TCN2: variants seen among roughly 807,000 people sequenced by gnomAD.
TCN2 encodes the protein transcobalamin-2.
In TCN2, 34 loss-of-function variants were observed where a neutral mutation model predicts 48.6. That is an observed-to-expected ratio of 0.70 (90% CI 0.53 to 0.93). The LOEUF (loss-of-function observed/expected upper bound fraction) is 0.93. Among genes scored for constraint, TCN2 ranks in the 40% least tolerant of loss-of-function variants. The pLI, the probability that TCN2 is intolerant of heterozygous loss-of-function variation, is 0.00. For synonymous variants in TCN2, 283 were observed against 212.5 expected, an observed-to-expected ratio of 1.33 and a Z score of -2.89; for missense variants, 652 against 526.1, an observed-to-expected ratio of 1.24 and a Z score of -2.34.
At chr22:30,613,447 T>C (rs1320103299) in intron 3 of TCN2, among the ~76,000 whole-genome samples, 1 of 152,066 alleles carries the variant, frequency 6.6e-6, no homozygotes, top group African/African-American at 2.4e-5. Context: ...ACCCAGCTAA[T>C]TTTGTATTTT....
chr22:30,623,919 T>TATGTATACATATATACACACAC (rs2087754309), intron 8 of TCN2, among the ~76,000 whole-genome samples: 1 of 11,930 alleles, frequency 8.4e-5, no homozygotes, highest in Non-Finnish European at 1.6e-4. Flanking sequence ...TATACACACA[T>TATGTATACATATATACACACAC]ATATATGTAT....
At position 30,610,959 on chromosome 22, in the gene TCN2, C is replaced by G; in HGVS notation, c.153C>G (p.Asn51Lys). The G allele has an allele frequency of 6.2e-7, 1 of 1,614,204 alleles. No homozygotes were observed. Among genetic ancestry groups the G allele is most frequent in the Non-Finnish European group, 8.5e-7 (1 of 1,180,038 alleles). Residue 51 changes from asparagine (N) to lysine (K), a missense_variant, in exon 2 of 9, where the codon AAC becomes AAG. Physicochemically the swap from Asn to Lys is moderately conservative, Grantham distance 94. Coordinates refer to ENST00000215838, the MANE Select transcript of TCN2 (RefSeq NM_000355.4). ...ACCGGCTTTCCCTGGAGCACTTGAA[C>G]CCCAGCATCTATGTGGGCCTACGCC... Reference protein sequence around the residue: ...WMDRLSLEHLNPSIYVGLRLS... With the variant: ...WMDRLSLEHLKPSIYVGLRLS...
intron 2 of TCN2, 116 bp from the exon 3 acceptor site, chr22:30,612,757 C>T (rs2087560086): frequency 1.4e-5 from 19 of 1,319,798 alleles, no homozygotes; most frequent in Non-Finnish European, 2.0e-5. Context: ...GAGCTTTTAT[C>T]AAAGTTTCCC....
intron 1 of TCN2, among the ~76,000 whole-genome samples, chr22:30,610,066 C>G (rs1350648861): frequency 6.6e-6 from 1 of 152,206 alleles, no homozygotes; most frequent in African/African-American, 2.4e-5. Context: ...CTACCCTGTG[C>G]TGAGCTCAAG....
At chr22:30,614,727 G>A (rs2087588607) in intron 4 of TCN2, among the ~76,000 whole-genome samples, 1 of 152,110 alleles carries the variant, frequency 6.6e-6, no homozygotes. Context: ...AAGACAACGT[G>A]GTGAAACCCC....
chr22:30,625,083 T>G (rs1209743635), intron 8 of TCN2, among the ~76,000 whole-genome samples: 1 of 152,046 alleles, frequency 6.6e-6, no homozygotes, highest in African/African-American at 2.4e-5. Flanking sequence ...CTGGGGGTGG[T>G]GGCGGGCACC....
At chr22:30,617,293 C>T (rs1771759427) in intron 6 of TCN2, 37 bp from the exon 7 acceptor site, 1 of 1,613,792 alleles carries the variant, frequency 6.2e-7, no homozygotes, top group Non-Finnish European at 8.5e-7. Context: ...GCTCTCTGTC[C>T]TCACACCAGC....
At position 30,615,598 on chromosome 22, in the gene TCN2, C is replaced by CA; in HGVS notation, c.754-2dup. 6.2e-7 allele frequency: 1 copy of CA among 1,614,156 alleles called. No homozygotes were observed. Among genetic ancestry groups the CA allele is most frequent in the Non-Finnish European group, 8.5e-7 (1 of 1,180,016 alleles). On this transcript the variant is annotated splice_polypyrimidine_tract_variant and splice_region_variant and intron_variant, in intron 5 of 8. Coordinates refer to ENST00000215838, the MANE Select transcript of TCN2 (RefSeq NM_000355.4). ...CTCTCTCTCTTCCTCACTCTATCACCAGTTCCTCATGACTTCCCCCATGCG... is the reference window on the plus strand; with the variant it reads ...CTCTCTCTCTTCCTCACTCTATCACCAAGTTCCTCATGACTTCCCCCATGCG...
At chr22:30,614,921 AAAAAT>A (rs755038815) in intron 4 of TCN2, among the ~76,000 whole-genome samples, 63 of 152,256 alleles carry the variant, frequency 4.1e-4, no homozygotes, top group African/African-American at 1.4e-3. Flanking sequence ...TCAAAAAATA[AAAAAT>A]AAAATAAAAC....
chr22:30,624,526 A>G (rs1281334690), intron 8 of TCN2, among the ~76,000 whole-genome samples: 2 of 133,378 alleles, frequency 1.5e-5, no homozygotes, highest in Non-Finnish European at 1.7e-5. Context: ...GAGGGAGCCC[A>G]CAAAAAAGCA....
At chr22:30,610,268 A>C (rs1370360055) in intron 1 of TCN2, 1 of 471,180 alleles carries the variant, frequency 2.1e-6, no homozygotes, top group South Asian at 1.5e-5. Flanking sequence ...TGAGATCTGC[A>C]TGGAGGAAGT....
At chr22:30,612,725 A>G (rs995572434) in intron 2 of TCN2, 148 bp from the exon 3 acceptor site, 1 of 930,650 alleles carries the variant, frequency 1.1e-6, no homozygotes, top group African/African-American at 1.6e-5. Context: ...TCACAACAAC[A>G]TAGCCAACAC....
Position 30,626,754 on chromosome 22 carries a change from C to T in TCN2, c.*233C>T, listed in dbSNP as rs896672068. 31 of 602,622 alleles carry T rather than the reference C, an allele frequency of 5.1e-5. No homozygotes were observed. Among genetic ancestry groups the T allele is most frequent in the African/African-American group, 4.8e-4 (26 of 54,258 alleles). The allele number at this position is 602,622 out of a possible 1,614,324, so 37.3% of individuals were successfully genotyped here. ...GGAAGTCTTTCTGGCCAAGTCTGGC[C>T]AGCCTGGCCCTGCAGGTCTCCCATG... On this transcript the variant is annotated 3_prime_UTR_variant, in exon 9 of 9. Coordinates refer to ENST00000215838, the MANE Select transcript of TCN2 (RefSeq NM_000355.4).
rs76802001 is a variant in TCN2 at position 30,617,412 on chromosome 22, G to A, written c.1023G>A (p.Pro341=). The A allele has an allele frequency of 0.031, 50,305 of 1,614,028 alleles. 957 individuals are homozygous for A. The highest frequency in any genetic ancestry group is 0.036 in the Non-Finnish European group (42,912 of 1,179,996). ...SVTLQVLSLL[P]PYRQSISVLA... ...CGCTGCAGGTGCTTAGTCTCTTGCC[G>A]CCGTACAGACAGTCCATCTCTGTTC... The change falls in exon 7 of 9, where the codon CCG becomes CCA. Residue 341 remains proline, a synonymous_variant. Transcript: ENST00000215838.
At chr22:30,607,474 T>G in intron 1 of TCN2, 79 bp downstream of exon 1, 1 of 1,506,312 alleles carries the variant, frequency 6.6e-7, no homozygotes, top group Non-Finnish European at 9.2e-7. Flanking sequence ...ATGAGGGAAC[T>G]TACCTGCCCT....
chr22:30,610,746 G>A, intron 1 of TCN2, 125 bp from the exon 2 acceptor site: 1 of 933,124 alleles, frequency 1.1e-6, no homozygotes, highest in Non-Finnish European at 1.7e-6. Context: ...CTGCAAGTTG[G>A]TGTGTGCTGG....
chr22:30,623,511 C>G (rs2087729826), intron 8 of TCN2, among the ~76,000 whole-genome samples: 1 of 151,738 alleles, frequency 6.6e-6, no homozygotes, highest in Non-Finnish European at 1.5e-5. Flanking sequence ...CTCTGCCTCC[C>G]AAAGTTCTGG....
chr22:30,615,045 T>C (rs2087592325), intron 4 of TCN2, among the ~76,000 whole-genome samples: 1 of 152,212 alleles, frequency 6.6e-6, no homozygotes, highest in Non-Finnish European at 1.5e-5. Flanking sequence ...AGCCCTCAAG[T>C]TGCAGAGTGA....
chr22:30,608,602 C>G (rs1220631463), intron 1 of TCN2, among the ~76,000 whole-genome samples: 1 of 151,362 alleles, frequency 6.6e-6, no homozygotes, highest in Non-Finnish European at 1.5e-5. Flanking sequence ...GTTGCCCAGG[C>G]TGGTCTCGAA....
Sources: allele counts gnomAD v4.1 joint callset (sites outside exome capture counted in the v4.1 genomes callset), GRCh38; gene constraint gnomAD v4.1.1; transcripts MANE v1.5; gene names NCBI Gene and HGNC (gene_info 2026-07-23, HGNC 2026-07-21).